Variants in EIF3I observed in about 807,000 individuals in gnomAD.
The protein encoded by EIF3I is eukaryotic translation initiation factor 3 subunit I, also known as TGF-beta receptor-interacting protein 1.
Under a neutral mutation model 43.3 loss-of-function variants are expected in EIF3I, and 20 were observed. The observed-to-expected ratio is 0.46, with a 90% CI of 0.32 to 0.67. EIF3I has a LOEUF of 0.67. Ranked by LOEUF, EIF3I falls within the 30% of genes least tolerant of loss-of-function variation. The probability of loss-of-function intolerance (pLI) is 0.03; values close to 1 mark genes in which losing one functional copy is unlikely to be tolerated. For synonymous variants in EIF3I, 167 were observed against 151.7 expected (o/e 1.10, Z -0.74); for missense variants, 279 against 421.4 (o/e 0.66, Z 2.96).
downstream of EIF3I, among the ~76,000 whole-genome samples, chr1:32,232,812 A>G (rs1156702645): frequency 1.3e-5 from 2 of 152,148 alleles, no homozygotes; most frequent in African/African-American, 4.8e-5. Context: ...TTAGTGAAGC[A>G]GGATGGGGTA....
intron 4 of EIF3I, among the ~76,000 whole-genome samples, chr1:32,224,998 T>TAAA: frequency 6.6e-6 from 1 of 152,292 alleles, no homozygotes; most frequent in East Asian, 1.9e-4. Flanking sequence ...CACACCTGGC[T>TAAA]AATTTTTGTA....
At chr1:32,233,441 A>G (rs555355468), downstream of EIF3I, among the ~76,000 whole-genome samples, 1 of 152,236 alleles carries the variant, frequency 6.6e-6, no homozygotes, top group African/African-American at 2.4e-5. Context: ...GGTGTGAGCC[A>G]CCGTGCCAGG....
exon 6 of EIF3I, chr1:32,226,405 A>T: frequency 6.2e-7 from 1 of 1,607,364 alleles, no homozygotes; most frequent in Non-Finnish European, 8.5e-7. Flanking sequence ...CCACACAGAC[A>T]ACAATGAGCC....
exon 12 of EIF3I, chr1:32,231,209 C>T (rs1377000652): frequency 3.7e-6 from 6 of 1,612,146 alleles, no homozygotes; most frequent in Non-Finnish European, 3.4e-6. Flanking sequence ...AGCTGGATCT[C>T]CTGCCGGGCG....
downstream of EIF3I, among the ~76,000 whole-genome samples, chr1:32,235,394 G>A (rs1463733357): frequency 1.3e-5 from 2 of 151,532 alleles, no homozygotes; most frequent in South Asian, 4.2e-4. Context: ...GCAGTGGTGC[G>A]ATCTCAGCTC....
downstream of EIF3I, among the ~76,000 whole-genome samples, chr1:32,235,917 G>C (rs1344655575): frequency 6.6e-6 from 1 of 152,194 alleles, no homozygotes; most frequent in East Asian, 1.9e-4. Context: ...CCTCCTGCCA[G>C]AAAATCTAAC....
chr1:32,223,995 T>C, intron 2 of EIF3I, 39 bp from the exon 3 acceptor site: 1 of 1,599,908 alleles, frequency 6.3e-7, no homozygotes, highest in Non-Finnish European at 8.6e-7. Context: ...CCATTGCTCT[T>C]ACTGGGATGT....
intron 2 of EIF3I, among the ~76,000 whole-genome samples, chr1:32,223,251 C>T (rs1267276229): frequency 6.6e-6 from 1 of 152,204 alleles, no homozygotes; most frequent in Non-Finnish European, 1.5e-5. Flanking sequence ...CAAACAATCC[C>T]TCATGATACT....
downstream of EIF3I, among the ~76,000 whole-genome samples, chr1:32,235,964 C>T (rs1490289760): frequency 6.6e-6 from 1 of 152,194 alleles, no homozygotes; most frequent in Non-Finnish European, 1.5e-5. Context: ...CCTTCAGTGG[C>T]TGCCCACTGC....
At chr1:32,230,753 G>A (rs986339198) in intron 10 of EIF3I, among the ~76,000 whole-genome samples, 174 bp from the exon 10 acceptor site, 37 of 152,138 alleles carry the variant, frequency 2.4e-4, no homozygotes, top group African/African-American at 8.4e-4. Context: ...GAACCCAGGA[G>A]GGGGAGGTTC....
chr1:32,228,921 GGCAGA>G, intron 8 of EIF3I, 105 bp downstream of exon 8: 1 of 1,149,894 alleles, frequency 8.7e-7, no homozygotes, highest in Non-Finnish European at 1.3e-6. Flanking sequence ...AATGATGTCA[GGCAGA>G]GAGGAGATGC....
At chr1:32,232,795 A>T (rs899879497), downstream of EIF3I, among the ~76,000 whole-genome samples, 1 of 152,066 alleles carries the variant, frequency 6.6e-6, no homozygotes, top group Non-Finnish European at 1.5e-5. Flanking sequence ...ATCCAGGACT[A>T]GTGGGGTTAG....
chr1:32,223,830 C>T (rs1453932941), intron 2 of EIF3I, among the ~76,000 whole-genome samples: 1 of 152,172 alleles, frequency 6.6e-6, no homozygotes, highest in African/African-American at 2.4e-5. Flanking sequence ...CCTTTACAAG[C>T]CGCCTGACTC....
At chr1:32,225,848 C>A (rs1461703115) in intron 4 of EIF3I, among the ~76,000 whole-genome samples, 1 of 151,732 alleles carries the variant, frequency 6.6e-6, no homozygotes, top group African/African-American at 2.4e-5. Context: ...GGTGAAATCC[C>A]GTCTCTACTA....
At chr1:32,226,479 G>C (rs200845980) in exon 6 of EIF3I, 2 of 1,593,946 alleles carry the variant, frequency 1.3e-6, no homozygotes, top group African/African-American at 1.3e-5. Flanking sequence ...CCCTGGGGGA[G>C]TGCATCATCG....
chr1:32,229,035 A>G lies in EIF3I; in HGVS notation c.730-100A>G, dbSNP rs1033248685. 9.1e-6 allele frequency: 12 copies of G among 1,325,800 alleles called. No homozygotes were observed. In the African/African-American group the frequency reaches 1.5e-4, roughly 16 times the overall value. The allele number at this position is 1,325,800 out of a possible 1,614,324, so 82.1% of individuals were successfully genotyped here. On this transcript the variant is annotated intron_variant, in intron 8 of 11. Coordinates refer to ENST00000676679, the Ensembl canonical transcript of EIF3I. The stretch of plus-strand genomic sequence containing the variant: ...CATCCCCTACCTTTGGTATCCTCCC[A>G]TTGAGCCGTGTGAGATGTTAAAAAT...
chr1:32,225,239 G>A (rs1038678425), intron 4 of EIF3I, among the ~76,000 whole-genome samples: 1 of 152,034 alleles, frequency 6.6e-6, no homozygotes, highest in Non-Finnish European at 1.5e-5. Flanking sequence ...GCCTCCCAAA[G>A]TGCTGAGATT....
chr1:32,235,176 C>T, downstream of EIF3I: 1 of 152,652 alleles, frequency 6.6e-6, no homozygotes. Flanking sequence ...AGCCAGGGAG[C>T]AAGTGCTCAA....
At chr1:32,229,174 A>G in exon 9 of EIF3I, 1 of 1,614,202 alleles carries the variant, frequency 6.2e-7, no homozygotes, top group Non-Finnish European at 8.5e-7. Flanking sequence ...GGATGTAACC[A>G]CAACCTCCAC....
Sources: gnomAD v4.1 joint callset for allele counts (sites outside exome capture counted in the v4.1 genomes callset) on GRCh38, gnomAD v4.1.1 for gene constraint, MANE v1.5 for transcripts, NCBI Gene and HGNC (gene_info 2026-07-23, HGNC 2026-07-21) for gene names.